DCAF1: variants seen among roughly 807,000 people sequenced by gnomAD.
The protein encoded by DCAF1 is DDB1 and CUL4 associated factor 1.
A neutral mutation model predicts 128.0 loss-of-function variants in DCAF1; 15 were observed. That is an observed-to-expected ratio of 0.12 (90% confidence interval 0.08 to 0.18). The LOEUF (loss-of-function observed/expected upper bound fraction) is 0.18, where lower values mean the gene tolerates loss of function less well. Ranked by LOEUF, DCAF1 falls within the 10% of genes least tolerant of loss-of-function variation. DCAF1 has a pLI of 1.00. For synonymous variants in DCAF1, 610 were observed against 603.0 expected (o/e 1.01, Z -0.17); for missense variants, 988 against 1,649.5 (o/e 0.60, Z 6.95).
intron 13 of DCAF1, among the ~76,000 whole-genome samples, chr3:51,424,093 G>C (rs1553633391): frequency 1.3e-5 from 2 of 152,024 alleles, no homozygotes; most frequent in African/African-American, 4.8e-5. Flanking sequence ...ACCAAGTACT[G>C]GCAAGAAAGT....
chr3:51,478,206 T>C (rs1249144032), intron 3 of DCAF1, among the ~76,000 whole-genome samples: 1 of 152,120 alleles, frequency 6.6e-6, no homozygotes, highest in Non-Finnish European at 1.5e-5. Context: ...AGTCTCACCA[T>C]GTTGCCCAGG....
chr3:51,479,965 CA>C (rs1705961636), intron 3 of DCAF1, among the ~76,000 whole-genome samples: 1 of 151,642 alleles, frequency 6.6e-6, no homozygotes, highest in Admixed American at 6.6e-5. Flanking sequence ...GGAACATTTG[CA>C]GTGAGGAGTC....
intron 23 of DCAF1, among the ~76,000 whole-genome samples, chr3:51,407,170 A>C (rs1443282729): frequency 1.3e-5 from 2 of 151,040 alleles, no homozygotes; most frequent in African/African-American, 2.4e-5. Flanking sequence ...AAAAAAAAAA[A>C]AAAAAAAAAC....
At chr3:51,452,691 T>C (rs1702472899) in intron 6 of DCAF1, among the ~76,000 whole-genome samples, 1 of 152,106 alleles carries the variant, frequency 6.6e-6, no homozygotes, top group South Asian at 2.1e-4. Context: ...AAGGACAACA[T>C]GGAAATTTTC....
chr3:51,404,482 T>TA (rs1427332478), intron 23 of DCAF1, among the ~76,000 whole-genome samples: 1 of 152,170 alleles, frequency 6.6e-6, no homozygotes, highest in Non-Finnish European at 1.5e-5. Context: ...GCCAAGCACT[T>TA]AAAAAACAAG....
At chr3:51,500,679 G>T (rs782032798), upstream of DCAF1, among the ~76,000 whole-genome samples, 5 of 152,002 alleles carry the variant, frequency 3.3e-5, no homozygotes, top group Non-Finnish European at 7.4e-5. Flanking sequence ...GACTACAGGC[G>T]CATGCCACCA....
intron 12 of DCAF1, 124 bp from the exon 13 acceptor site, chr3:51,427,665 C>G: frequency 4.7e-6 from 2 of 426,190 alleles, no homozygotes; most frequent in Non-Finnish European, 8.4e-6. Flanking sequence ...CAGGGTCTCA[C>G]TTTGCTGCCC....
chr3:51,455,975 G>A (rs1459925415), intron 6 of DCAF1, among the ~76,000 whole-genome samples: 1 of 152,164 alleles, frequency 6.6e-6, no homozygotes, highest in Non-Finnish European at 1.5e-5. Flanking sequence ...AGCTCCCAGT[G>A]CGAGCAACAC....
intron 14 of DCAF1, among the ~76,000 whole-genome samples, chr3:51,421,767 A>G (rs1441433606): frequency 2.0e-5 from 3 of 152,128 alleles, no homozygotes; most frequent in African/African-American, 7.2e-5. Context: ...TGCTCTTAAT[A>G]AAGTATATTA....
intron 2 of DCAF1, among the ~76,000 whole-genome samples, chr3:51,494,288 G>GT (rs1708000124): frequency 6.6e-6 from 1 of 151,650 alleles, no homozygotes; most frequent in Non-Finnish European, 1.5e-5. Context: ...CTACTTTTTT[G>GT]TATTTGTAGT....
intron 2 of DCAF1, among the ~76,000 whole-genome samples, chr3:51,488,789 C>T (rs939896167): frequency 6.6e-6 from 1 of 151,140 alleles, no homozygotes; most frequent in Non-Finnish European, 1.5e-5. Context: ...GGTGACAGAG[C>T]AAAACTCCGT....
intron 2 of DCAF1, among the ~76,000 whole-genome samples, 177 bp from the exon 3 acceptor site, chr3:51,484,013 A>G (rs1304242093): frequency 5.3e-5 from 8 of 152,180 alleles, no homozygotes; most frequent in African/African-American, 1.9e-4. Context: ...GATACTCATC[A>G]AGCCTAGATA....
downstream of DCAF1, chr3:51,395,939 A>C (rs1409371413): frequency 4.8e-6 from 2 of 413,434 alleles, no homozygotes; most frequent in African/African-American, 4.1e-5. Context: ...GCTGCCAGGT[A>C]CCTAAGCAAG....
At chr3:51,438,398 A>T (rs868957408) in intron 9 of DCAF1, among the ~76,000 whole-genome samples, 5 of 152,242 alleles carry the variant, frequency 3.3e-5, no homozygotes, top group African/African-American at 1.2e-4. Context: ...CGGCATAGGT[A>T]TCTCACAAAA....
chr3:51,473,515 A>C (rs1577263041), intron 3 of DCAF1, among the ~76,000 whole-genome samples: 3 of 143,650 alleles, frequency 2.1e-5, no homozygotes, highest in Non-Finnish European at 3.0e-5. Flanking sequence ...AAAACAAAAC[A>C]CCAAAAACCA....
At chr3:51,401,131 C>CAA (rs57102954) in intron 24 of DCAF1, among the ~76,000 whole-genome samples, 11 of 67,238 alleles carry the variant, frequency 1.6e-4, no homozygotes, top group Non-Finnish European at 2.1e-4. Context: ...GACTCCATCT[C>CAA]AAAAAAAAAA....
intron 17 of DCAF1, among the ~76,000 whole-genome samples, chr3:51,417,677 G>A (rs1174965223): frequency 6.6e-6 from 1 of 151,494 alleles, no homozygotes; most frequent in Non-Finnish European, 1.5e-5. Flanking sequence ...CTGAGATCGC[G>A]CCACTGCACT....
rs782723139 is a variant in DCAF1, at chr3:51,420,357, T to C, written c.2613A>G (p.Thr871=). The change falls in exon 15 of 25, where the codon ACA becomes ACG. Residue 871 remains threonine, a synonymous_variant. Transcript: ENST00000684031. This position sits in a 1 kb window ranked among gnomAD's most constrained non-coding sequence, Gnocchi z 6.5. ...KGLGETATVL[T]KEADLPMTAA... is the part of the protein sequence containing the mutation. ...CAGTCATGGGCAGGTCAGCCTCTTTTGTCAGCACGGTTGCTGTTTCTCCAA... is the reference window on the plus strand; with the variant it reads ...CAGTCATGGGCAGGTCAGCCTCTTTCGTCAGCACGGTTGCTGTTTCTCCAA... 3 of 1,614,048 alleles carry C rather than the reference T, an allele frequency of 1.9e-6. No homozygotes were observed. Among genetic ancestry groups the C allele is most frequent in the South Asian group, 1.1e-5 (1 of 91,082 alleles).
At chr3:51,401,131 CAAAA>C (rs57102954) in intron 24 of DCAF1, among the ~76,000 whole-genome samples, 3 of 67,262 alleles carry the variant, frequency 4.5e-5, no homozygotes, top group Non-Finnish European at 3.0e-5. Flanking sequence ...GACTCCATCT[CAAAA>C]AAAAAAAAAA....
Sources: gnomAD v4.1 joint callset for allele counts (sites outside exome capture counted in the v4.1 genomes callset) on GRCh38, gnomAD v4.1.1 for gene constraint, Gnocchi (gnomAD v3.1) non-coding constraint, MANE v1.5 for transcripts, NCBI Gene and HGNC (gene_info 2026-07-23, HGNC 2026-07-21) for gene names.